NUBPL: variants seen among roughly 807,000 people sequenced by gnomAD.
NUBPL encodes NUBP iron-sulfur cluster assembly factor, mitochondrial.
In NUBPL, 31 loss-of-function variants were observed where a neutral mutation model predicts 45.7. The ratio of observed to expected loss-of-function variants is 0.68; its 90% CI spans 0.51 to 0.92. NUBPL has a LOEUF of 0.92. Among genes scored for constraint, NUBPL ranks in the 40% least tolerant of loss-of-function variants. The probability of loss-of-function intolerance (pLI) is 0.00; values close to 1 mark genes in which losing one functional copy is unlikely to be tolerated. For synonymous variants in NUBPL, 144 were observed against 140.9 expected, an observed-to-expected ratio of 1.02 and a Z score of -0.15; for missense variants, 401 against 398.7, an observed-to-expected ratio of 1.01 and a Z score of -0.05.
chr14:31,676,269 C>G (rs948612318), intron 6 of NUBPL, among the ~76,000 whole-genome samples: 2 of 151,862 alleles, frequency 1.3e-5, no homozygotes, highest in African/African-American at 4.8e-5. Context: ...GTGATCTGCC[C>G]GTCTCGGTCT....
At chr14:31,822,294 G>A (rs186278801) in intron 7 of NUBPL, among the ~76,000 whole-genome samples, 114 of 151,954 alleles carry the variant, frequency 7.5e-4, no homozygotes, top group African/African-American at 2.5e-3. Context: ...ACATCTCATG[G>A]ACCCCTTAAA....
chr14:31,561,451 G>T lies in NUBPL; in HGVS notation c.12G>T (p.Trp4Cys). The T allele has an allele frequency of 7.1e-7, 1 of 1,416,048 alleles. No homozygotes were observed. Among genetic ancestry groups the T allele is most frequent in the Non-Finnish European group, 9.3e-7 (1 of 1,075,114 alleles). 87.7% of individuals were successfully genotyped at this position (1,416,048 alleles called of 1,614,324 possible). A position where few individuals can be genotyped will look rare whatever the true frequency, so the allele number is the denominator to read the frequency against. The change falls in exon 1 of 11, where the codon TGG becomes TGT. Residue 4 changes from tryptophan to cysteine, a missense_variant. Coordinates refer to ENST00000281081, the MANE Select transcript of NUBPL (RefSeq NM_025152.3). The stretch of plus-strand genomic sequence containing the variant: ...CAGCGTTCCGCGTCATGGGGATTTG[G>T]CAGCGTCTGCTGCTTTTTGGTGGGG... MGI[W>C]QRLLLFGGVS...
At chr14:31,686,067 TGAG>T (rs943756794) in intron 6 of NUBPL, among the ~76,000 whole-genome samples, 2 of 151,956 alleles carry the variant, frequency 1.3e-5, no homozygotes, top group Admixed American at 6.6e-5. Flanking sequence ...AAAAGAGAGA[TGAG>T]GAGATGAATG....
At chr14:31,573,153 T>G (rs1334096866) in intron 3 of NUBPL, among the ~76,000 whole-genome samples, 1 of 152,196 alleles carries the variant, frequency 6.6e-6, no homozygotes, top group Non-Finnish European at 1.5e-5. Flanking sequence ...TCATGTGTTG[T>G]GCTGTGATGT....
chr14:31,569,289 C>T (rs767642287), intron 3 of NUBPL, among the ~76,000 whole-genome samples: 7 of 152,004 alleles, frequency 4.6e-5, no homozygotes, highest in Non-Finnish European at 7.4e-5. Flanking sequence ...CTCCGCCTCC[C>T]GGGTTCAAGT....
intron 6 of NUBPL, among the ~76,000 whole-genome samples, chr14:31,728,564 T>C (rs2037976925): frequency 6.6e-6 from 1 of 152,206 alleles, no homozygotes; most frequent in Non-Finnish European, 1.5e-5. Context: ...AGACTTAGTG[T>C]GAGTAGAGAA....
At chr14:31,666,579 T>C (rs2036435336) in intron 4 of NUBPL, among the ~76,000 whole-genome samples, 1 of 152,138 alleles carries the variant, frequency 6.6e-6, no homozygotes, top group Non-Finnish European at 1.5e-5. Flanking sequence ...AATATTGTTA[T>C]GTGTGAATTT....
chr14:31,799,910 A>G (rs2039552743), intron 7 of NUBPL, among the ~76,000 whole-genome samples: 1 of 152,224 alleles, frequency 6.6e-6, no homozygotes, highest in African/African-American at 2.4e-5. Context: ...CATTTAACCC[A>G]TAGTAGAATA....
intron 4 of NUBPL, among the ~76,000 whole-genome samples, chr14:31,605,517 G>A (rs2034561726): frequency 6.6e-6 from 1 of 152,166 alleles, no homozygotes; most frequent in South Asian, 2.1e-4. Flanking sequence ...TCTATTGTGG[G>A]ATAGTAATTT....
At position 31,633,243 on chromosome 14, in the gene NUBPL, C is replaced by T. The variant is rs147128223; in HGVS notation, c.382+33864C>T. Among the ~76,000 whole-genome samples the T allele has an allele frequency of 6.5e-3, 990 of 152,324 alleles. 11 individuals carry two copies. Among genetic ancestry groups the T allele is most frequent in the African/African-American group, 0.022 (927 of 41,560 alleles). On this transcript the variant is annotated intron_variant, in intron 4 of 10. Transcript: ENST00000281081. ...AGCAGTATCTTCAAACCACCTTCACCTCTTGCAACTGGCAGCCGAGGTGGG... is the reference window on the plus strand; with the variant it reads ...AGCAGTATCTTCAAACCACCTTCACTTCTTGCAACTGGCAGCCGAGGTGGG...
At chr14:31,757,184 T>C (rs12590833) in intron 6 of NUBPL, among the ~76,000 whole-genome samples, 10,627 of 84,140 alleles carry the variant, frequency 0.13, 528 homozygotes, top group East Asian at 0.25. Flanking sequence ...TGTCTCTGCC[T>C]GGCTTTGGTA....
intron 4 of NUBPL, among the ~76,000 whole-genome samples, chr14:31,605,518 A>G (rs554603724): frequency 6.6e-6 from 1 of 152,180 alleles, no homozygotes; most frequent in Non-Finnish European, 1.5e-5. Flanking sequence ...CTATTGTGGG[A>G]TAGTAATTTT....
At chr14:31,766,217 C>T (rs1201327642) in intron 6 of NUBPL, among the ~76,000 whole-genome samples, 2 of 152,132 alleles carry the variant, frequency 1.3e-5, no homozygotes, top group African/African-American at 2.4e-5. Flanking sequence ...TATGAGGAGA[C>T]CAATTTTATT....
At chr14:31,652,751 C>T (rs1221280943) in intron 4 of NUBPL, among the ~76,000 whole-genome samples, 1 of 152,074 alleles carries the variant, frequency 6.6e-6, no homozygotes, top group Admixed American at 6.6e-5. Flanking sequence ...GTACCAAAGA[C>T]CCTGTGACAA....
In NUBPL at chr14:31,753,488, C is replaced by G. The variant is rs528605397; in HGVS notation, c.514-34292C>G. On this transcript the variant is annotated intron_variant, in intron 6 of 10. Transcript: ENST00000281081. ...ACCTGGTGCCAGGATCATGGCTGTC[C>G]CATGGGTCTAGCTGAAGTCATAGCA... 2.6e-4 allele frequency among the ~76,000 whole-genome samples: 39 copies of G among 152,044 alleles called. No homozygotes were observed. The East Asian group carries it at 7.2e-3, about 28-fold the overall frequency.
intron 6 of NUBPL, among the ~76,000 whole-genome samples, chr14:31,697,115 T>G (rs2037231208): frequency 6.6e-6 from 1 of 152,240 alleles, no homozygotes; most frequent in Admixed American, 6.5e-5. Context: ...TCTTTGTGTA[T>G]CTACCAGAGG....
At chr14:31,587,679 A>G (rs752792820) in intron 3 of NUBPL, among the ~76,000 whole-genome samples, 8 of 152,302 alleles carry the variant, frequency 5.3e-5, no homozygotes, top group South Asian at 4.1e-4. Flanking sequence ...TCTATTATCT[A>G]TATAACTTAA....
At chr14:31,679,657 T>C (rs2036783751) in intron 6 of NUBPL, among the ~76,000 whole-genome samples, 1 of 152,214 alleles carries the variant, frequency 6.6e-6, no homozygotes, top group African/African-American at 2.4e-5. Context: ...GTCTTGATTA[T>C]TATAGCTTTA....
At chr14:31,621,397 C>T (rs2035057466) in intron 4 of NUBPL, among the ~76,000 whole-genome samples, 1 of 152,132 alleles carries the variant, frequency 6.6e-6, no homozygotes, top group Non-Finnish European at 1.5e-5. Context: ...TGCTTGAAAC[C>T]CAGGGCCCTG....
Sources: allele counts gnomAD v4.1 joint callset (sites outside exome capture counted in the v4.1 genomes callset), GRCh38; gene constraint gnomAD v4.1.1; transcripts MANE v1.5; gene names NCBI Gene and HGNC (gene_info 2026-07-23, HGNC 2026-07-21).